C4BPA: variants seen among roughly 807,000 people sequenced by gnomAD.
The protein encoded by C4BPA is complement component 4 binding protein alpha.
C4BPA carries 31 observed loss-of-function variants against 63.7 expected under a neutral mutation model. The observed-to-expected ratio is 0.49, with a 90% confidence interval of 0.37 to 0.66. The LOEUF (loss-of-function observed/expected upper bound fraction) is 0.66. Among genes scored for constraint, C4BPA ranks in the 30% least tolerant of loss-of-function variants. The pLI is 0.00. For synonymous variants in C4BPA, 259 were observed against 254.7 expected (o/e 1.02, Z -0.16); for missense variants, 572 against 723.3 (o/e 0.79, Z 2.40).
Position 207,118,465 on chromosome 1 carries a change from T to C in C4BPA, c.428+2950T>C, listed in dbSNP as rs575902738. The stretch of plus-strand genomic sequence containing the variant: ...AAGGCAAAGGGGAAGAAAGGCACCT[T>C]CTTCACATGGCGGCAGGGAGGAGAA... On this transcript the variant is annotated intron_variant, in intron 4 of 11. Coordinates refer to ENST00000367070, the MANE Select transcript of C4BPA (RefSeq NM_000715.4). 8.5e-5 allele frequency among the ~76,000 whole-genome samples: 13 copies of C among 152,254 alleles called. No individual in the cohort carries two copies. In the South Asian group the frequency reaches 2.7e-3, roughly 32 times the overall value.
intron 7 of C4BPA, among the ~76,000 whole-genome samples, chr1:207,129,770 AT>A (rs1685123071): frequency 6.6e-6 from 1 of 152,178 alleles, no homozygotes; most frequent in African/African-American, 2.4e-5. Flanking sequence ...TTTTATAATT[AT>A]TGTTTTATAT....
intron 4 of C4BPA, among the ~76,000 whole-genome samples, chr1:207,117,514 G>C (rs1452491464): frequency 1.3e-5 from 2 of 152,262 alleles, no homozygotes; most frequent in African/African-American, 4.8e-5. Context: ...ACTCTCTCTA[G>C]TTAAGAATAT....
rs945787520 is a variant in C4BPA at position 207,112,861 on chromosome 1, T to C, written c.-25-140T>C. 7 of 691,962 alleles carry C rather than the reference T, an allele frequency of 1.0e-5. No individual in the cohort carries two copies. The South Asian group carries it at 1.6e-4, about 16-fold the overall frequency. 42.9% of individuals were successfully genotyped at this position (691,962 alleles called of 1,614,324 possible). A position where few individuals can be genotyped will look rare whatever the true frequency, so the allele number is the denominator to read the frequency against. On this transcript the variant is annotated intron_variant, in intron 1 of 11. Coordinates refer to ENST00000367070, the MANE Select transcript of C4BPA (RefSeq NM_000715.4). ...TCCTTACTGTCTTGTGCTGTAACAT[T>C]TGTGCTCAGGGGTTTTTTTGTTTTG...
intron 4 of C4BPA, among the ~76,000 whole-genome samples, chr1:207,115,785 C>T (rs910853997): frequency 6.6e-6 from 1 of 152,086 alleles, no homozygotes; most frequent in Non-Finnish European, 1.5e-5. Flanking sequence ...TCTAATGAAC[C>T]TAGTATTGAA....
Position 207,123,937 on chromosome 1 carries a change from C to A in C4BPA, c.444C>A (p.Gly148=). The A allele has an allele frequency of 6.2e-7, 1 of 1,608,254 alleles. No homozygotes were observed. The highest frequency in any genetic ancestry group is 8.5e-7 in the Non-Finnish European group (1 of 1,175,774). The change falls in exon 5 of 12, where the codon GGC becomes GGA. Residue 148 remains glycine, a synonymous_variant. Coordinates refer to ENST00000367070, the MANE Select transcript of C4BPA (RefSeq NM_000715.4). The part of the protein sequence containing the change: ...FSCSEGFFLI[G]STTSRCEVQD... ...TCTTATTCAGATTTTTCTTAATTGG[C>A]TCAACCACTAGTCGTTGTGAAGTCC...
chr1:207,125,218 G>A (rs548669851), intron 6 of C4BPA, among the ~76,000 whole-genome samples: 1 of 152,356 alleles, frequency 6.6e-6, no homozygotes, highest in African/African-American at 2.4e-5. Context: ...AGCGGCAATA[G>A]CTGAGGGCAG....
At chr1:207,123,540 C>T (rs1295849311) in intron 4 of C4BPA, among the ~76,000 whole-genome samples, 2 of 152,164 alleles carry the variant, frequency 1.3e-5, no homozygotes, top group Admixed American at 6.5e-5. Context: ...AAGACACCCA[C>T]CTGGAAGTCA....
At chr1:207,142,857 G>A (rs144615362) in intron 10 of C4BPA, among the ~76,000 whole-genome samples, 2,636 of 152,202 alleles carry the variant, frequency 0.017, 82 homozygotes, top group African/African-American at 0.059. Context: ...AGAGGATGTG[G>A]AGAAATAGGA....
intron 4 of C4BPA, among the ~76,000 whole-genome samples, chr1:207,116,685 C>T (rs1684798202): frequency 6.6e-6 from 1 of 151,666 alleles, no homozygotes; most frequent in African/African-American, 2.4e-5. Context: ...TAAGGCCTTC[C>T]CCAATATAAG....
In C4BPA at chr1:207,134,466, C is replaced by T; in HGVS notation, c.1147C>T (p.Pro383Ser). ...GEITQHRKSR[P>S]ANHCVYFYGD... ...AATCACTCAACACAGGAAAAGTCGTCCTGCCAATCACTGTGTTTATTTCTA... is the reference window on the plus strand; with the variant it reads ...AATCACTCAACACAGGAAAAGTCGTTCTGCCAATCACTGTGTTTATTTCTA... Residue 383 changes from proline (P) to serine (S), a missense_variant, in exon 9 of 12, where the codon CCT (proline) becomes TCT (serine). Physicochemically the swap from Pro to Ser is moderately conservative, Grantham distance 74. Coordinates refer to ENST00000367070, the MANE Select transcript of C4BPA (RefSeq NM_000715.4). The T allele has an allele frequency of 6.2e-7, 1 of 1,613,760 alleles. No homozygotes were observed. The highest frequency in any genetic ancestry group is 2.2e-5 in the East Asian group (1 of 44,860).
intron 11 of C4BPA, 27 bp from the exon 12 acceptor site, chr1:207,144,517 A>G (rs749387584): frequency 1.4e-5 from 22 of 1,560,994 alleles, no homozygotes; most frequent in Non-Finnish European, 1.9e-5. Context: ...AAGCTTCTCA[A>G]TCACACCCAC....
At chr1:207,128,807 A>G (rs1685101851) in intron 7 of C4BPA, among the ~76,000 whole-genome samples, 1 of 152,232 alleles carries the variant, frequency 6.6e-6, no homozygotes, top group East Asian at 1.9e-4. Flanking sequence ...AAAGGTGGTA[A>G]GGGAGAATCA....
intron 3 of C4BPA, chr1:207,114,730 G>C: frequency 5.8e-6 from 1 of 170,964 alleles, no homozygotes; most frequent in South Asian, 1.5e-4. Context: ...CTGACCTCAA[G>C]TGATCTGCCT....
chr1:207,107,180 G>A (rs1684578189), intron 1 of C4BPA, among the ~76,000 whole-genome samples: 1 of 152,242 alleles, frequency 6.6e-6, no homozygotes. Context: ...AAGGAATAGT[G>A]AGTAAAGGAG....
intron 10 of C4BPA, among the ~76,000 whole-genome samples, 159 bp downstream of exon 10, chr1:207,141,435 A>G (rs1685413444): frequency 6.6e-6 from 1 of 152,260 alleles, no homozygotes; most frequent in Non-Finnish European, 1.5e-5. Context: ...TGCAAAAACT[A>G]CAAAGGGCAC....
intron 4 of C4BPA, among the ~76,000 whole-genome samples, chr1:207,121,200 A>G (rs184750800): frequency 6.6e-6 from 1 of 152,308 alleles, no homozygotes; most frequent in African/African-American, 2.4e-5. Context: ...GTAAATTAAT[A>G]ATTTTATAAT....
chr1:207,144,497 A>T (rs1685489622), intron 11 of C4BPA, 47 bp from the exon 12 acceptor site: 2 of 1,512,910 alleles, frequency 1.3e-6, no homozygotes, highest in Non-Finnish European at 1.8e-6. Flanking sequence ...CTCCTTTATG[A>T]TTAGAAGAGA....
At chr1:207,129,925 G>A (rs1685125824) in intron 7 of C4BPA, among the ~76,000 whole-genome samples, 1 of 152,050 alleles carries the variant, frequency 6.6e-6, no homozygotes, top group Non-Finnish European at 1.5e-5. Context: ...ACCATCTGGT[G>A]TCATTTCTGT....
intron 9 of C4BPA, among the ~76,000 whole-genome samples, chr1:207,139,408 C>G (rs1685361271): frequency 6.6e-6 from 1 of 152,134 alleles, no homozygotes; most frequent in Non-Finnish European, 1.5e-5. Flanking sequence ...ATGTTTCTCT[C>G]CCACCCCTGG....
Sources: allele counts gnomAD v4.1 joint callset (sites outside exome capture counted in the v4.1 genomes callset), GRCh38; gene constraint gnomAD v4.1.1; transcripts MANE v1.5; gene names NCBI Gene and HGNC (gene_info 2026-07-23, HGNC 2026-07-21).